The following SLC9B2 variants were observed in gnomAD, a reference collection of about 807,000 sequenced individuals.
SLC9B2 encodes the protein sodium/hydrogen exchanger 9B2.
Under a neutral mutation model 52.2 loss-of-function variants are expected in SLC9B2, and 39 were observed. The observed-to-expected ratio is 0.75, with a 90% CI of 0.58 to 0.98. The LOEUF is 0.98. Ranked by LOEUF, SLC9B2 falls within the 50% of genes least tolerant of loss-of-function variation. The pLI is 0.00. For missense variants in SLC9B2, 626 were observed against 637.5 expected, an observed-to-expected ratio of 0.98 and a Z score of 0.19; for synonymous variants, 214 against 227.0, an observed-to-expected ratio of 0.94 and a Z score of 0.51.
Position 103,033,842 on chromosome 4 carries a change from G to T in SLC9B2, c.1147-2034C>A, listed in dbSNP as rs143065699. ...AAATGGAAAAACATACCATGCTCAT[G>T]GATAGGAAGAATCAATATTGTTAAA... is the stretch of plus-strand genomic sequence containing the variant. On this transcript the variant is annotated intron_variant, in intron 9 of 11. Transcript: ENST00000394785. Among the ~76,000 whole-genome samples, 10 of 152,214 alleles carry T rather than the reference G, an allele frequency of 6.6e-5. No homozygotes were observed. The East Asian group carries it at 1.4e-3, about 21-fold the overall frequency.
chr4:103,072,056 GTT>G lies in SLC9B2; in HGVS notation c.-43+4126_-43+4127del, dbSNP rs779979130. 3.3e-4 allele frequency among the ~76,000 whole-genome samples: 31 copies of G among 95,322 alleles called. 3 individuals carry two copies. The highest frequency in any genetic ancestry group is 1.2e-3 in the African/African-American group (26 of 21,828). 62.5% of individuals were successfully genotyped at this position (95,322 alleles called of 152,430 possible). On this transcript the variant is annotated intron_variant, in intron 1 of 11. Coordinates refer to ENST00000394785, the MANE Select transcript of SLC9B2 (RefSeq NM_178833.7). Reference sequence around the variant, plus strand: ...CAAAATTTTCAAGTTTGGCTTTCATGTTTTTTTTTTTTTTTTTTTTGAGGTGG... The same window carrying G: ...CAAAATTTTCAAGTTTGGCTTTCATGTTTTTTTTTTTTTTTTTTGAGGTGG...
At chr4:103,057,542 A>C (rs562997351) in intron 4 of SLC9B2, among the ~76,000 whole-genome samples, 1 of 152,080 alleles carries the variant, frequency 6.6e-6, no homozygotes, top group Non-Finnish European at 1.5e-5. Context: ...CCAGAGCTCA[A>C]GCAATCTGCC....
chr4:103,068,606 T>C (rs1422649162), intron 1 of SLC9B2, among the ~76,000 whole-genome samples: 1 of 152,248 alleles, frequency 6.6e-6, no homozygotes, highest in Non-Finnish European at 1.5e-5. Context: ...AGTTGCTCCA[T>C]CAGCCTTGGA....
intron 8 of SLC9B2, 135 bp downstream of exon 8, chr4:103,044,755 T>C (rs1302081192): frequency 9.7e-6 from 7 of 719,502 alleles, no homozygotes; most frequent in African/African-American, 3.5e-5. Flanking sequence ...ATCTCATGGA[T>C]AGCAGTAAGC....
Position 103,023,752 on chromosome 4 carries a change from G to T in SLC9B2, c.*2618C>A, listed in dbSNP as rs983956033. ...CTGCATGACCTCAAAATGAAAACAGGTATTGGCAGTGGCTTCAGGTGCCCT... is the reference window on the plus strand; with the variant it reads ...CTGCATGACCTCAAAATGAAAACAGTTATTGGCAGTGGCTTCAGGTGCCCT... On this transcript the variant is annotated 3_prime_UTR_variant, in exon 12 of 12. Transcript: ENST00000394785. Among the ~76,000 whole-genome samples the T allele has an allele frequency of 6.6e-6, 1 of 152,150 alleles. No individual in the cohort carries two copies.
intron 6 of SLC9B2, 104 bp from the exon 7 acceptor site, chr4:103,047,330 G>T (rs1649737811): frequency 4.7e-5 from 42 of 891,882 alleles, no homozygotes; most frequent in South Asian, 2.9e-4. Flanking sequence ...GACAACAACA[G>T]TCTTTCTTTT....
At chr4:103,042,643 TAGATC>T (rs985922323) in intron 9 of SLC9B2, among the ~76,000 whole-genome samples, 3 of 151,428 alleles carry the variant, frequency 2.0e-5, no homozygotes, top group African/African-American at 7.3e-5. Flanking sequence ...CTCAAAGACT[TAGATC>T]AGAAAAACAG....
chr4:103,041,066 CT>C (rs1032412701), intron 9 of SLC9B2, among the ~76,000 whole-genome samples: 1 of 152,142 alleles, frequency 6.6e-6, no homozygotes. Flanking sequence ...AGAAAGCAGT[CT>C]GGTAATATGT....
At chr4:103,046,155 A>G (rs1001781893) in intron 7 of SLC9B2, among the ~76,000 whole-genome samples, 3 of 152,198 alleles carry the variant, frequency 2.0e-5, no homozygotes, top group African/African-American at 4.8e-5. Context: ...GAATGGGGAG[A>G]TAACTATAGG....
At chr4:103,073,515 T>C (rs948694460) in intron 1 of SLC9B2, among the ~76,000 whole-genome samples, 14 of 152,194 alleles carry the variant, frequency 9.2e-5, no homozygotes, top group Non-Finnish European at 1.9e-4. Flanking sequence ...AGACAATTAA[T>C]TACTAAAATG....
downstream of SLC9B2, among the ~76,000 whole-genome samples, chr4:103,021,142 T>C (rs1231965335): frequency 2.1e-5 from 3 of 141,656 alleles, no homozygotes; most frequent in African/African-American, 8.0e-5. Context: ...ATGGTAAACC[T>C]GGGAAGGAAG....
Position 103,024,102 on chromosome 4 carries a change from T to C in SLC9B2, c.*2268A>G, listed in dbSNP as rs1742004828. ...CATGAGCTCCCTAGCAGCCCTGTAG[T>C]TCCTGCATAATAGCACTTATCATAT... On this transcript the variant is annotated 3_prime_UTR_variant, in exon 12 of 12. Transcript: ENST00000394785. Among the ~76,000 whole-genome samples the C allele has an allele frequency of 6.6e-6, 1 of 152,198 alleles. No homozygotes were observed. Among genetic ancestry groups the C allele is most frequent in the African/African-American group, 2.4e-5 (1 of 41,440 alleles).
At chr4:103,043,520 AG>A in intron 8 of SLC9B2, 75 bp from the exon 9 acceptor site, 1 of 1,332,896 alleles carries the variant, frequency 7.5e-7, no homozygotes, top group Non-Finnish European at 1.0e-6. Context: ...TTCCATATCT[AG>A]GATTTAGAAA....
Position 103,043,231 on chromosome 4 carries a change from C to G in SLC9B2, c.1146+65G>C, listed in dbSNP as rs1486969109. ...TATTAATTTGATGCTAAGAAAGTATCTGGAAAGCCAACTTAATCTCATTAG... is the reference window on the plus strand; with the variant it reads ...TATTAATTTGATGCTAAGAAAGTATGTGGAAAGCCAACTTAATCTCATTAG... On this transcript the variant is annotated intron_variant, in intron 9 of 11. Transcript: ENST00000394785. 3.5e-5 allele frequency: 51 copies of G among 1,458,744 alleles called. 1 individual carries two copies. In the South Asian group the frequency reaches 7.0e-4, roughly 20 times the overall value. The allele number at this position is 1,458,744 out of a possible 1,614,324, so 90.4% of individuals were successfully genotyped here.
intron 3 of SLC9B2, among the ~76,000 whole-genome samples, chr4:103,063,214 A>G (rs1475193698): frequency 6.6e-6 from 1 of 152,242 alleles, no homozygotes; most frequent in Non-Finnish European, 1.5e-5. Context: ...TAATGAAAAG[A>G]ACAGAAAAGG....
At chr4:103,059,600 G>A (rs1037613955) in intron 3 of SLC9B2, among the ~76,000 whole-genome samples, 1 of 152,146 alleles carries the variant, frequency 6.6e-6, no homozygotes, top group Non-Finnish European at 1.5e-5. Context: ...CTCATGCAGG[G>A]AAGGCTTTAT....
rs1162751262 is a variant in SLC9B2, at chr4:103,076,370, T to C, written c.-229A>G. 6.6e-6 allele frequency: 1 copy of C among 152,214 alleles called. No homozygotes were observed. Among genetic ancestry groups the C allele is most frequent in the Non-Finnish European group, 1.5e-5 (1 of 68,086 alleles). 9.4% of individuals were successfully genotyped at this position (152,214 alleles called of 1,614,324 possible). The stretch of plus-strand genomic sequence containing the variant: ...TCTCAGGGCGCGGCACCGCGTGTAG[T>C]CGGCCCCGCCTTTCGCACGAACCCG... On this transcript the variant is annotated 5_prime_UTR_variant, in exon 1 of 12. Transcript: ENST00000394785.
At chr4:103,043,827 C>T (rs889191090) in intron 8 of SLC9B2, among the ~76,000 whole-genome samples, 1 of 152,154 alleles carries the variant, frequency 6.6e-6, no homozygotes, top group Non-Finnish European at 1.5e-5. Context: ...GCTTTGTTTC[C>T]TGAAAGCATT....
Position 103,067,463 on chromosome 4 carries a change from G to A in SLC9B2, c.88C>T (p.Gln30Ter), listed in dbSNP as rs1470764656. 1 of 1,612,158 alleles carries A rather than the reference G, an allele frequency of 6.2e-7. No individual in the cohort carries two copies. The highest frequency in any genetic ancestry group is 1.1e-5 in the South Asian group (1 of 91,050). Residue 30 changes from glutamine (Q) to a stop codon, truncating the protein, a stop_gained and splice_region_variant, in exon 2 of 12, where the codon CAG (glutamine) becomes TAG (stop). Transcript: ENST00000394785. LOFTEE classifies it high-confidence loss of function. ...ATTCTATCACAGCTTAGATTTACCTGTGCTTCTTGATGCATGGAGGGCGTG... is the reference window on the plus strand; with the variant it reads ...ATTCTATCACAGCTTAGATTTACCTATGCTTCTTGATGCATGGAGGGCGTG... The part of the protein sequence containing the change: ...NYTPSMHQEA[Q>*]EETVMKLKGI...
Sources: allele counts gnomAD v4.1 joint callset (sites outside exome capture counted in the v4.1 genomes callset), GRCh38; gene constraint gnomAD v4.1.1; transcripts MANE v1.5; gene names NCBI Gene and HGNC (gene_info 2026-07-23, HGNC 2026-07-21).